The following PIAS1 variants were observed in gnomAD, a reference collection of about 807,000 sequenced individuals.
PIAS1 encodes the protein E3 SUMO-protein ligase PIAS1.
A neutral mutation model predicts 71.3 loss-of-function variants in PIAS1; 6 were observed. The ratio of observed to expected loss-of-function variants is 0.08; its 90% CI spans 0.05 to 0.17. The LOEUF is 0.17. Among genes scored for constraint, PIAS1 ranks in the 10% least tolerant of loss-of-function variants. PIAS1 has a pLI of 1.00. For synonymous variants in PIAS1, 303 were observed against 292.9 expected (o/e 1.03, Z -0.35); for missense variants, 555 against 793.6 (o/e 0.70, Z 3.61).
intron 1 of PIAS1, among the ~76,000 whole-genome samples, chr15:68,074,290 T>C (rs1233663474): frequency 1.3e-5 from 2 of 152,222 alleles, no homozygotes; most frequent in Non-Finnish European, 2.9e-5. Context: ...TCTTCTGTCA[T>C]AGAGTTTATC....
At chr15:68,116,478 C>T (rs1229738637) in intron 2 of PIAS1, among the ~76,000 whole-genome samples, 2 of 151,966 alleles carry the variant, frequency 1.3e-5, no homozygotes, top group African/African-American at 4.8e-5. Flanking sequence ...CTTCTTTGTT[C>T]TCTTGATTAG....
intron 4 of PIAS1, among the ~76,000 whole-genome samples, chr15:68,144,868 A>G (rs2092797327): frequency 6.6e-6 from 1 of 152,062 alleles, no homozygotes; most frequent in Non-Finnish European, 1.5e-5. Context: ...ATTGTGCACG[A>G]TCCCCGTACT....
intron 2 of PIAS1, among the ~76,000 whole-genome samples, chr15:68,102,174 A>G (rs1222105262): frequency 2.0e-5 from 3 of 152,146 alleles, no homozygotes; most frequent in African/African-American, 7.2e-5. Context: ...ATTGAGCTTC[A>G]TTTATGGAGA....
Position 68,189,242 on chromosome 15 carries a change from C to T in PIAS1, c.*1407C>T, listed in dbSNP as rs1476561213. 2 of 152,158 alleles carry T rather than the reference C, an allele frequency of 1.3e-5. No homozygotes were observed. Among genetic ancestry groups the T allele is most frequent in the Non-Finnish European group, 2.9e-5 (2 of 68,024 alleles). 9.4% of individuals were successfully genotyped at this position (152,158 alleles called of 1,614,324 possible). A position where few individuals can be genotyped will look rare whatever the true frequency, so the allele number is the denominator to read the frequency against. On this transcript the variant is annotated 3_prime_UTR_variant, in exon 14 of 14. Transcript: ENST00000249636. Reference sequence around the variant, plus strand: ...TTGGAGGGAAGGAAAAGTGGTTCTACTAATGTTCCAAAATCCTCATCAGAG... The same window carrying T: ...TTGGAGGGAAGGAAAAGTGGTTCTATTAATGTTCCAAAATCCTCATCAGAG...
intron 13 of PIAS1, chr15:68,183,929 C>A: frequency 4.1e-6 from 1 of 243,288 alleles, no homozygotes; most frequent in Middle Eastern, 1.3e-3. Context: ...TACAATATAA[C>A]GATAATAAAC....
intron 13 of PIAS1, chr15:68,184,532 G>C (rs369963132): frequency 1.3e-3 from 197 of 152,328 alleles, no homozygotes; most frequent in African/African-American, 4.5e-3. Flanking sequence ...CCCAACTACA[G>C]TGTTAAATGT....
chr15:68,149,739 T>C (rs1369369532), intron 6 of PIAS1, among the ~76,000 whole-genome samples: 3 of 152,290 alleles, frequency 2.0e-5, no homozygotes, highest in African/African-American at 7.2e-5. Context: ...TCTATTAGCT[T>C]TTTAGATGAT....
rs929706222 is a variant in PIAS1, at chr15:68,187,766, C to T, written c.1887C>T (p.Val629=). Residue 629 remains valine, a synonymous_variant, in exon 14 of 14, where the codon GTC becomes GTT. Coordinates refer to ENST00000249636, the MANE Select transcript of PIAS1 (RefSeq NM_016166.3). This position sits in a 1 kb window ranked among gnomAD's most constrained non-coding sequence, Gnocchi z 5.3. ...TAAGGGAAAGCCATAGCCACACCGTCACAAACAGGAGCAGCACGGACACGG... is the reference window on the plus strand; with the variant it reads ...TAAGGGAAAGCCATAGCCACACCGTTACAAACAGGAGCAGCACGGACACGG... The part of the protein sequence containing the change: ...NSLRESHSHT[V]TNRSSTDTAS... 1 of 1,613,870 alleles carries T rather than the reference C, an allele frequency of 6.2e-7. No individual in the cohort carries two copies. The highest frequency in any genetic ancestry group is 1.3e-5 in the African/African-American group (1 of 74,928).
chr15:68,080,162 G>A (rs760490870), intron 1 of PIAS1, among the ~76,000 whole-genome samples: 85 of 152,068 alleles, frequency 5.6e-4, no homozygotes, highest in African/African-American at 1.0e-3. Context: ...TCAGGTTATC[G>A]TCCAGAAGGA....
Position 68,187,451 on chromosome 15 carries a change from C to G in PIAS1, c.1663-91C>G. The G allele has an allele frequency of 8.1e-7, 1 of 1,228,648 alleles. No homozygotes were observed. The highest frequency in any genetic ancestry group is 2.1e-5 in the Admixed American group (1 of 48,044). The allele number at this position is 1,228,648 out of a possible 1,614,324, so 76.1% of individuals were successfully genotyped here. A position where few individuals can be genotyped will look rare whatever the true frequency, so the allele number is the denominator to read the frequency against. On this transcript the variant is annotated intron_variant, in intron 13 of 13. Coordinates refer to ENST00000249636, the MANE Select transcript of PIAS1 (RefSeq NM_016166.3). The surrounding 1 kb of genome is among the most constrained non-coding windows in gnomAD (Gnocchi z 5.3). ...CAGAAACCCTAGATACTCAGGCTAT[C>G]TTAAATTTAGGGCTGTGTCCCGCTG...
At chr15:68,165,006 A>G (rs1315214251) in intron 8 of PIAS1, among the ~76,000 whole-genome samples, 1 of 152,268 alleles carries the variant, frequency 6.6e-6, no homozygotes, top group Non-Finnish European at 1.5e-5. Flanking sequence ...TTAGTAAGAC[A>G]TATCTAAATA....
rs2092777519 is a variant in PIAS1, at chr15:68,142,425, T to C, written c.602+88T>C. 7 of 1,000,300 alleles carry C rather than the reference T, an allele frequency of 7.0e-6. No homozygotes were observed. In the Admixed American group the frequency reaches 1.2e-4, roughly 17 times the overall value. The allele number at this position is 1,000,300 out of a possible 1,614,324, so 62.0% of individuals were successfully genotyped here. A position where few individuals can be genotyped will look rare whatever the true frequency, so the allele number is the denominator to read the frequency against. ...GGTCCAGTTAAGGTACAGTGCTGAC[T>C]GTAGGATATATTCAAAGTTTAAAAG... is the stretch of plus-strand genomic sequence containing the variant. On this transcript the variant is annotated intron_variant, in intron 4 of 13. Transcript: ENST00000249636.
intron 8 of PIAS1, among the ~76,000 whole-genome samples, chr15:68,165,208 GCCTCC>G (rs1297310111): frequency 6.6e-6 from 1 of 152,116 alleles, no homozygotes; most frequent in Admixed American, 6.5e-5. Flanking sequence ...CACAACCTCT[GCCTCC>G]CGGGTTCAGG....
At chr15:68,177,082 C>A (rs1286841446) in intron 11 of PIAS1, among the ~76,000 whole-genome samples, 3 of 152,012 alleles carry the variant, frequency 2.0e-5, no homozygotes, top group African/African-American at 4.8e-5. Flanking sequence ...GAGTTTGAGA[C>A]CAGCCTGGGC....
intron 1 of PIAS1, among the ~76,000 whole-genome samples, chr15:68,081,840 TC>T (rs1362753515): frequency 6.6e-6 from 1 of 151,694 alleles, no homozygotes; most frequent in African/African-American, 2.4e-5. Flanking sequence ...TAAGAAAACT[TC>T]CCAGAACTGA....
At chr15:68,160,339 T>G (rs897411258) in intron 7 of PIAS1, among the ~76,000 whole-genome samples, 3 of 152,162 alleles carry the variant, frequency 2.0e-5, no homozygotes, top group African/African-American at 7.2e-5. Context: ...GATATCGAAA[T>G]ATTCCAACAG....
intron 6 of PIAS1, among the ~76,000 whole-genome samples, chr15:68,149,607 T>C (rs1037871465): frequency 6.6e-6 from 1 of 152,096 alleles, no homozygotes; most frequent in Non-Finnish European, 1.5e-5. Flanking sequence ...TTGGTTGTTA[T>C]TATTACTGCT....
intron 4 of PIAS1, among the ~76,000 whole-genome samples, chr15:68,142,904 AG>A (rs2092782034): frequency 6.6e-6 from 1 of 152,142 alleles, no homozygotes; most frequent in South Asian, 2.1e-4. Context: ...GCTCTAATTT[AG>A]GATCCATTTG....
rs139147761 is a variant in PIAS1, at chr15:68,057,561, A to T, written c.24+3211A>T. On this transcript the variant is annotated intron_variant, in intron 1 of 13. Coordinates refer to ENST00000249636, the MANE Select transcript of PIAS1 (RefSeq NM_016166.3). ...TTAAATGGGAAGAGAAACCATAATTATAAAAGTTACTATGAGTGTGTCAGT... is the reference window on the plus strand; with the variant it reads ...TTAAATGGGAAGAGAAACCATAATTTTAAAAGTTACTATGAGTGTGTCAGT... 6.2e-3 allele frequency: 2,597 copies of T among 418,016 alleles called. 17 individuals carry two copies. The highest frequency in any genetic ancestry group is 0.014 in the South Asian group (779 of 56,784). 25.9% of individuals were successfully genotyped at this position (418,016 alleles called of 1,614,324 possible).
Sources: gnomAD v4.1 joint callset for allele counts (sites outside exome capture counted in the v4.1 genomes callset) on GRCh38, gnomAD v4.1.1 for gene constraint, Gnocchi (gnomAD v3.1) non-coding constraint, MANE v1.5 for transcripts, NCBI Gene and HGNC (gene_info 2026-07-23, HGNC 2026-07-21) for gene names.